ANGPTL4: variants seen among roughly 807,000 people sequenced by gnomAD.
ANGPTL4 encodes angiopoietin-related protein 4.
In ANGPTL4, 39 loss-of-function variants were observed where a neutral mutation model predicts 39.2. The observed-to-expected ratio is 1.00, with a 90% CI of 0.77 to 1.30. The LOEUF (loss-of-function observed/expected upper bound fraction) is 1.30. ANGPTL4 is among the 50% of genes most tolerant of loss of function. ANGPTL4 has a pLI of 0.00. For synonymous variants in ANGPTL4, 233 were observed against 229.5 expected (o/e 1.02, Z -0.14); for missense variants, 545 against 549.8 (o/e 0.99, Z 0.09).
chr19:8,367,586 G>A (rs978275481), intron 3 of ANGPTL4, among the ~76,000 whole-genome samples: 1 of 152,032 alleles, frequency 6.6e-6, no homozygotes, highest in Non-Finnish European at 1.5e-5. Context: ...GACTCATTTC[G>A]ACCTTTCCCC....
Position 8,373,746 on chromosome 19 carries a change from G to C in ANGPTL4, c.1081G>C (p.Gly361Arg), listed in dbSNP as rs755737249. 137 of 1,613,822 alleles carry C rather than the reference G, an allele frequency of 8.5e-5. No individual in the cohort carries two copies. The highest frequency in any genetic ancestry group is 1.1e-4 in the Non-Finnish European group (124 of 1,180,026). The part of the protein sequence containing the change: ...FGTCSHSNLN[G>R]QYFRSIPQQR... ...CACCTGCAGCCATTCCAACCTCAAC[G>C]GCCAGTACTTCCGCTCCATCCCACA... is the stretch of plus-strand genomic sequence containing the variant. The change falls in exon 7 of 7, where the codon GGC becomes CGC. Residue 361 changes from glycine to arginine, a missense_variant. Physicochemically the swap from Gly to Arg is moderately radical, Grantham distance 125 (BLOSUM62 -2). Transcript: ENST00000301455.
intron 3 of ANGPTL4, among the ~76,000 whole-genome samples, chr19:8,368,851 A>G (rs1971057523): frequency 6.6e-6 from 1 of 152,142 alleles, no homozygotes; most frequent in African/African-American, 2.4e-5. Flanking sequence ...GAGACTCCGT[A>G]TCAAAAAACA....
chr19:8,371,114 C>G lies in ANGPTL4; in HGVS notation c.720C>G (p.Pro240=), dbSNP rs768754343. 6.2e-7 allele frequency: 1 copy of G among 1,612,108 alleles called. No individual in the cohort carries two copies. The highest frequency in any genetic ancestry group is 1.7e-5 in the Admixed American group (1 of 59,604). The part of the protein sequence containing the change: ...RHDGSVDFNR[P]WEAYKAGFGD... ...ATGGCTCAGTGGACTTCAACCGGCC[C>G]TGGGAAGCCTACAAGGCGGGGTTTG... The change falls in exon 5 of 7, where the codon CCC becomes CCG. Residue 240 remains proline (P), a synonymous_variant. Coordinates refer to ENST00000301455, the MANE Select transcript of ANGPTL4 (RefSeq NM_139314.3). This position sits in a 1 kb window ranked among gnomAD's most constrained non-coding sequence, Gnocchi z 5.1.
chr19:8,364,290 C>T lies in ANGPTL4; in HGVS notation c.-32C>T, dbSNP rs1404277571. ...TGGAACCCCAACGTCCCCGAGAGTC[C>T]CCGAATCCCCGCTCCCAGGCTACCT... On this transcript the variant is annotated 5_prime_UTR_variant, in exon 1 of 7. Transcript: ENST00000301455. The T allele has an allele frequency of 6.5e-7, 1 of 1,529,704 alleles. No individual in the cohort carries two copies. Among genetic ancestry groups the T allele is most frequent in the Non-Finnish European group, 8.8e-7 (1 of 1,141,598 alleles). The allele number at this position is 1,529,704 out of a possible 1,614,324, so 94.8% of individuals were successfully genotyped here. A position where few individuals can be genotyped will look rare whatever the true frequency, so the allele number is the denominator to read the frequency against.
chr19:8,371,344 G>A lies in ANGPTL4; in HGVS notation c.861G>A (p.Leu287=). The change falls in exon 6 of 7, where the codon CTG becomes CTA. Residue 287 remains leucine, a synonymous_variant. Coordinates refer to ENST00000301455, the MANE Select transcript of ANGPTL4 (RefSeq NM_139314.3). The surrounding 1 kb of genome is among the most constrained non-coding windows in gnomAD (Gnocchi z 5.1). ...ACTGGGATGGCAACGCCGAGTTGCT[G>A]CAGTTCTCCGTGCACCTGGGTGGCG... The part of the protein sequence containing the change: ...LRDWDGNAEL[L]QFSVHLGGED... 1.2e-6 allele frequency: 2 copies of A among 1,613,778 alleles called. No individual in the cohort carries two copies. Among genetic ancestry groups the A allele is most frequent in the Non-Finnish European group, 1.7e-6 (2 of 1,180,034 alleles).
In ANGPTL4 at chr19:8,371,656, T is replaced by C. The variant is rs1363832455; in HGVS notation, c.1039+134T>C. 3 of 1,323,592 alleles carry C rather than the reference T, an allele frequency of 2.3e-6. No homozygotes were observed. The highest frequency in any genetic ancestry group is 2.9e-5 in the African/African-American group (2 of 69,012). The allele number at this position is 1,323,592 out of a possible 1,614,324, so 82.0% of individuals were successfully genotyped here. On this transcript the variant is annotated intron_variant, in intron 6 of 6. Coordinates refer to ENST00000301455, the MANE Select transcript of ANGPTL4 (RefSeq NM_139314.3). This position sits in a 1 kb window ranked among gnomAD's most constrained non-coding sequence, Gnocchi z 5.1. Reference sequence around the variant, plus strand: ...CTTCCTTACATGCCGTGTGTGTGATTGGGCCACTAACTTAGCCTATCTGGC... The same window carrying C: ...CTTCCTTACATGCCGTGTGTGTGATCGGGCCACTAACTTAGCCTATCTGGC...
chr19:8,364,206 C>A lies in ANGPTL4; in HGVS notation c.-116C>A, dbSNP rs373435482. On this transcript the variant is annotated 5_prime_UTR_variant, in exon 1 of 7. Transcript: ENST00000301455. ...ACGACTGTGATCCGATTCTTTCCAG[C>A]GGCTTCTGCAACCAAGCGGGTCTTA... is the stretch of plus-strand genomic sequence containing the variant. 5.6e-6 allele frequency: 6 copies of A among 1,064,582 alleles called. No individual in the cohort carries two copies. The highest frequency in any genetic ancestry group is 6.7e-6 in the Non-Finnish European group (5 of 750,020). The allele number at this position is 1,064,582 out of a possible 1,614,324, so 65.9% of individuals were successfully genotyped here. A position where few individuals can be genotyped will look rare whatever the true frequency, so the allele number is the denominator to read the frequency against.
chr19:8,364,498 G>A lies in ANGPTL4; in HGVS notation c.177G>A (p.Ala59=), dbSNP rs1357818553. The A allele has an allele frequency of 1.2e-5, 18 of 1,564,524 alleles. No individual in the cohort carries two copies. The highest frequency in any genetic ancestry group is 1.5e-5 in the Non-Finnish European group (17 of 1,155,790). The part of the protein sequence containing the change: ...LQLGQGLREH[A]ERTRSQLSAL... ...TCGGCCAGGGGCTGCGCGAACACGC[G>A]GAGCGCACCCGCAGTCAGCTGAGCG... Residue 59 remains alanine (A), a synonymous_variant, in exon 1 of 7, where the codon GCG becomes GCA. Transcript: ENST00000301455.
intron 2 of ANGPTL4, 50 bp downstream of exon 2, chr19:8,366,114 G>A (rs1359739425): frequency 1.9e-6 from 3 of 1,607,334 alleles, no homozygotes; most frequent in Non-Finnish European, 2.6e-6. Context: ...CTGGACCCCA[G>A]GTTGAGAGGG....
At chr19:8,364,998 G>A (rs1240152632) in intron 1 of ANGPTL4, among the ~76,000 whole-genome samples, 2 of 152,092 alleles carry the variant, frequency 1.3e-5, no homozygotes, top group African/African-American at 2.4e-5. Flanking sequence ...GAGAAACCTC[G>A]TCTCTACTAA....
At chr19:8,364,705 A>G (rs1970965001) in intron 1 of ANGPTL4, 66 bp downstream of exon 1, 25 of 1,537,286 alleles carry the variant, frequency 1.6e-5, no homozygotes, top group Non-Finnish European at 2.1e-5. Flanking sequence ...GGGTATGGAC[A>G]GGAGTGGGGC....
Position 8,364,304 on chromosome 19 carries a change from C to A in ANGPTL4, c.-18C>A. ...CCCCGAGAGTCCCCGAATCCCCGCT[C>A]CCAGGCTACCTAAGAGGATGAGCGG... On this transcript the variant is annotated 5_prime_UTR_variant, in exon 1 of 7. Transcript: ENST00000301455. 1 of 1,535,844 alleles carries A rather than the reference C, an allele frequency of 6.5e-7. No homozygotes were observed. Among genetic ancestry groups the A allele is most frequent in the East Asian group, 2.4e-5 (1 of 41,202 alleles).
chr19:8,367,131 C>T (rs1032214673), intron 3 of ANGPTL4, among the ~76,000 whole-genome samples: 1 of 152,068 alleles, frequency 6.6e-6, no homozygotes, highest in Non-Finnish European at 1.5e-5. Context: ...GGGTCAGTGG[C>T]AGGCTTCCAG....
chr19:8,364,704 C>G, intron 1 of ANGPTL4, 65 bp downstream of exon 1: 1 of 1,538,094 alleles, frequency 6.5e-7, no homozygotes, highest in Non-Finnish European at 8.8e-7. Context: ...AGGGTATGGA[C>G]AGGAGTGGGG....
chr19:8,372,446 T>G (rs1599674398), intron 6 of ANGPTL4, among the ~76,000 whole-genome samples: 1 of 129,188 alleles, frequency 7.7e-6, no homozygotes, highest in African/African-American at 3.0e-5. Context: ...TAAGCTGGAG[T>G]GCAGTGGTGC....
rs746226153 is a variant in ANGPTL4, at chr19:8,364,556, GC to G, written c.237del (p.Cys80ValfsTer12). The G allele has an allele frequency of 2.6e-4, 406 of 1,579,448 alleles. No individual in the cohort carries two copies. Among genetic ancestry groups the G allele is most frequent in the Non-Finnish European group, 9.3e-5 (108 of 1,164,198 alleles). On this transcript the variant is annotated frameshift_variant, in exon 1 of 7. Transcript: ENST00000301455. LOFTEE classifies it high-confidence loss of function. ...GCGGCGCCTGAGCGCGTGCGGGTCCGCCTGTCAGGGAACCGAGGGGTCCACC... is the reference window on the plus strand; with the variant it reads ...GCGGCGCCTGAGCGCGTGCGGGTCCGCTGTCAGGGAACCGAGGGGTCCACC... ...LERRLSACGS[A>X]CQGTEGSTDL...
rs1200401833 is a variant in ANGPTL4 at position 8,374,264 on chromosome 19, C to T, written c.*378C>T. 1 of 295,902 alleles carries T rather than the reference C, an allele frequency of 3.4e-6. No homozygotes were observed. Among genetic ancestry groups the T allele is most frequent in the Non-Finnish European group, 6.6e-6 (1 of 151,588 alleles). The allele number at this position is 295,902 out of a possible 1,614,324, so 18.3% of individuals were successfully genotyped here. On this transcript the variant is annotated 3_prime_UTR_variant, in exon 7 of 7. Transcript: ENST00000301455. ...GGCTTGTGTGGGTCGAGAGCGCCCTCATGGTGCTGGTGCTGTTGTGTGTAG... is the reference window on the plus strand; with the variant it reads ...GGCTTGTGTGGGTCGAGAGCGCCCTTATGGTGCTGGTGCTGTTGTGTGTAG...
Position 8,364,577 on chromosome 19 carries a change from T to A in ANGPTL4, c.256T>A (p.Ser86Thr). The A allele has an allele frequency of 6.3e-7, 1 of 1,587,252 alleles. No individual in the cohort carries two copies. The highest frequency in any genetic ancestry group is 1.1e-5 in the South Asian group (1 of 87,218). Reference protein sequence around the residue: ...CGSACQGTEGSTDLPLAPESR... With the variant: ...CGSACQGTEGTTDLPLAPESR... The stretch of plus-strand genomic sequence containing the variant: ...GTCCGCCTGTCAGGGAACCGAGGGG[T>A]CCACCGACCTCCCGTTAGCCCCTGA... Residue 86 changes from serine to threonine, a missense_variant, in exon 1 of 7, where the codon TCC becomes ACC. By Grantham distance (58) the Ser-to-Thr change is moderately conservative. Coordinates refer to ENST00000301455, the MANE Select transcript of ANGPTL4 (RefSeq NM_139314.3).
chr19:8,369,049 A>C (rs1285524390), intron 3 of ANGPTL4, among the ~76,000 whole-genome samples, 170 bp from the exon 4 acceptor site: 1 of 152,142 alleles, frequency 6.6e-6, no homozygotes, highest in Non-Finnish European at 1.5e-5. Context: ...GAGGAAGGAC[A>C]TAGGGAGCCA....
Sources: gnomAD v4.1 joint callset for allele counts (sites outside exome capture counted in the v4.1 genomes callset) on GRCh38, gnomAD v4.1.1 for gene constraint, Gnocchi (gnomAD v3.1) non-coding constraint, MANE v1.5 for transcripts, NCBI Gene and HGNC (gene_info 2026-07-23, HGNC 2026-07-21) for gene names.